ARFGAP3: variants seen among roughly 807,000 people sequenced by gnomAD.
ARFGAP3 encodes ARF GTPase activating protein 3.
A neutral mutation model predicts 75.0 loss-of-function variants in ARFGAP3; 72 were observed. That is an observed-to-expected ratio of 0.96 (90% CI 0.79 to 1.17). The LOEUF is 1.17. ARFGAP3 is among the 50% of genes most tolerant of loss of function. The pLI is 0.00. For synonymous variants in ARFGAP3, 221 were observed against 217.9 expected (o/e 1.01, Z -0.13); for missense variants, 620 against 626.6 (o/e 0.99, Z 0.11).
Position 42,847,555 on chromosome 22 carries a change from T to G in ARFGAP3, c.147A>C (p.Ser49=). ...TYGVFLCIDC[S]GSHRSLGVHL... is the part of the protein sequence containing the mutation. ...GAACACCAAGTGACCGGTGGGACCC[T>G]GAGCAATCAATGCAAAGGAACACTC... The change falls in exon 2 of 16, where the codon TCA becomes TCC. Residue 49 remains serine, a synonymous_variant. Coordinates refer to ENST00000263245, the MANE Select transcript of ARFGAP3 (RefSeq NM_014570.5). 6.2e-7 allele frequency: 1 copy of G among 1,613,796 alleles called. No individual in the cohort carries two copies. Among genetic ancestry groups the G allele is most frequent in the Non-Finnish European group, 8.5e-7 (1 of 1,179,802 alleles).
intron 5 of ARFGAP3, among the ~76,000 whole-genome samples, 176 bp downstream of exon 5, chr22:42,834,066 C>A (rs1926414142): frequency 2.0e-5 from 3 of 152,218 alleles, no homozygotes; most frequent in Admixed American, 6.5e-5. Context: ...GTCCATCAGT[C>A]AATAGCAGAT....
chr22:42,857,219 A>T lies in ARFGAP3; in HGVS notation c.-37T>A. 6.7e-7 allele frequency: 1 copy of T among 1,498,530 alleles called. No individual in the cohort carries two copies. The highest frequency in any genetic ancestry group is 1.2e-5 in the South Asian group (1 of 80,062). The allele number at this position is 1,498,530 out of a possible 1,614,324, so 92.8% of individuals were successfully genotyped here. A position where few individuals can be genotyped will look rare whatever the true frequency, so the allele number is the denominator to read the frequency against. On this transcript the variant is annotated 5_prime_UTR_variant, in exon 1 of 16. In the 5' UTR this introduces an upstream ATG that the reference lacks. Transcript: ENST00000263245. ...AGCCGCGGCGCAGCTGGCCCAGCCA[A>T]CCGGTAAGAGTCGACGAAAAGCGGC... is the stretch of plus-strand genomic sequence containing the variant.
At chr22:42,800,418 C>T (rs931811468) in intron 14 of ARFGAP3, among the ~76,000 whole-genome samples, 1 of 152,172 alleles carries the variant, frequency 6.6e-6, no homozygotes, top group East Asian at 1.9e-4. Context: ...GTAACCCTAG[C>T]TACTTGGGAG....
At chr22:42,814,473 A>G (rs879666419) in intron 11 of ARFGAP3, among the ~76,000 whole-genome samples, 1 of 152,228 alleles carries the variant, frequency 6.6e-6, no homozygotes, top group African/African-American at 2.4e-5. Context: ...GGTGTGGTCT[A>G]TATAAATATG....
rs1242115867 is a variant in ARFGAP3 at position 42,808,875 on chromosome 22, G to C, written c.1212C>G (p.Arg404=). Reference sequence around the variant, plus strand: ...TTTCAACTGGCTCATAATCTGGCTTGCGGCGAGCAGTAGGTCTGCAATTAA... The same window carrying C: ...TTTCAACTGGCTCATAATCTGGCTTCCGGCGAGCAGTAGGTCTGCAATTAA... The part of the protein sequence containing the change: ...TGYSDRPTAR[R]KPDYEPVENT... Residue 404 remains arginine, a synonymous_variant, in exon 13 of 16, where the codon CGC becomes CGG. Transcript: ENST00000263245. 1 of 1,610,676 alleles carries C rather than the reference G, an allele frequency of 6.2e-7. No individual in the cohort carries two copies. Among genetic ancestry groups the C allele is most frequent in the Middle Eastern group, 1.7e-4 (1 of 6,054 alleles).
At chr22:42,800,982 C>G (rs561225242) in intron 14 of ARFGAP3, among the ~76,000 whole-genome samples, 28 of 152,356 alleles carry the variant, frequency 1.8e-4, no homozygotes, top group African/African-American at 6.7e-4. Flanking sequence ...ACCTGCTTTT[C>G]CACAGCTCAC....
At chr22:42,805,703 G>A (rs1424261272) in intron 14 of ARFGAP3, among the ~76,000 whole-genome samples, 1 of 152,216 alleles carries the variant, frequency 6.6e-6, no homozygotes, top group African/African-American at 2.4e-5. Context: ...TGAGGCACAG[G>A]GTGTGCTCCT....
chr22:42,834,332 C>CA lies in ARFGAP3; in HGVS notation c.394-8dup, dbSNP rs752465149. The stretch of plus-strand genomic sequence containing the variant: ...CACAACTATCAAGCCACAGCTAGAA[C>CA]AAAAAAACAACACAGGGCTGAGCAT... On this transcript the variant is annotated splice_polypyrimidine_tract_variant and splice_region_variant and intron_variant, in intron 4 of 15. Coordinates refer to ENST00000263245, the MANE Select transcript of ARFGAP3 (RefSeq NM_014570.5). 5 of 1,610,854 alleles carry CA rather than the reference C, an allele frequency of 3.1e-6. No homozygotes were observed. Among genetic ancestry groups the CA allele is most frequent in the Non-Finnish European group, 4.2e-6 (5 of 1,179,086 alleles).
At chr22:42,816,087 C>T (rs5758954) in intron 11 of ARFGAP3, among the ~76,000 whole-genome samples, 26,598 of 152,114 alleles carry the variant, frequency 0.17, 3,665 homozygotes, top group East Asian at 0.56. Context: ...GTACTCCAGC[C>T]TGGGTGACAG....
intron 3 of ARFGAP3, among the ~76,000 whole-genome samples, chr22:42,839,388 C>A (rs997209234): frequency 4.6e-5 from 7 of 151,828 alleles, no homozygotes; most frequent in Non-Finnish European, 7.4e-5. Context: ...CACTTGAGGT[C>A]AGGAGTTTGA....
At chr22:42,798,671 T>C (rs1333312626) in intron 15 of ARFGAP3, among the ~76,000 whole-genome samples, 1 of 152,230 alleles carries the variant, frequency 6.6e-6, no homozygotes, top group Non-Finnish European at 1.5e-5. Flanking sequence ...AATCTACGTA[T>C]AGAAAAATAT....
rs117333048 is a variant in ARFGAP3, at chr22:42,841,671, C to A, written c.189-655G>T. 1.2e-3 allele frequency among the ~76,000 whole-genome samples: 176 copies of A among 152,160 alleles called. 3 individuals are homozygous for A. In the East Asian group the frequency reaches 0.029, roughly 25 times the overall value. ...CAATGTTAGAATCTTTATACTGAAT[C>A]CACAGAAATGAGCAAAAAGCAGAGG... On this transcript the variant is annotated intron_variant, in intron 2 of 15. Coordinates refer to ENST00000263245, the MANE Select transcript of ARFGAP3 (RefSeq NM_014570.5).
At chr22:42,841,074 G>C (rs930568161) in intron 2 of ARFGAP3, 58 bp from the exon 3 acceptor site, 2 of 1,574,660 alleles carry the variant, frequency 1.3e-6, no homozygotes, top group Non-Finnish European at 8.6e-7. Flanking sequence ...AGCAAAATCA[G>C]TGAGCTTTTG....
chr22:42,797,985 T>A (rs1443099093), intron 15 of ARFGAP3, among the ~76,000 whole-genome samples: 1 of 152,132 alleles, frequency 6.6e-6, no homozygotes, highest in Non-Finnish European at 1.5e-5. Flanking sequence ...GCCCTGAAAT[T>A]TTGGTTCAGC....
Position 42,831,576 on chromosome 22 carries a change from C to T in ARFGAP3, c.538G>A (p.Val180Met). ...TCATTATTTTCCAAAGTGGTTTCCA[C>T]AGGCCTTGATGTTAAAGAAGATGGT... ...AEPSSLTSRP[V>M]ETTLENNEGG... Residue 180 changes from valine to methionine, a missense_variant, in exon 6 of 16, where the codon GTG (valine) becomes ATG (methionine). Val to Met is a conservative substitution (Grantham distance 21). Transcript: ENST00000263245. The T allele has an allele frequency of 6.2e-7, 1 of 1,613,886 alleles. No individual in the cohort carries two copies. Among genetic ancestry groups the T allele is most frequent in the Non-Finnish European group, 8.5e-7 (1 of 1,179,916 alleles).
At chr22:42,825,810 G>A (rs1305863568) in intron 7 of ARFGAP3, among the ~76,000 whole-genome samples, 2 of 151,904 alleles carry the variant, frequency 1.3e-5, no homozygotes, top group East Asian at 1.9e-4. Flanking sequence ...TTTACTTATA[G>A]GTTATATATT....
Position 42,826,984 on chromosome 22 carries a change from C to G in ARFGAP3, c.581G>C (p.Gly194Ala), listed in dbSNP as rs779761090. Residue 194 changes from glycine to alanine, a missense_variant, in exon 7 of 16, where the codon GGA becomes GCA. By Grantham distance (60) the Gly-to-Ala change is moderately conservative. Coordinates refer to ENST00000263245, the MANE Select transcript of ARFGAP3 (RefSeq NM_014570.5). The stretch of plus-strand genomic sequence containing the variant: ...TACATTAAGACCTTCCACACTTGGT[C>G]CTTGCTCTTGTCCACCTGAAAATTC... Reference protein sequence around the residue: ...LENNEGGQEQGPSVEGLNVPT... With the variant: ...LENNEGGQEQAPSVEGLNVPT... 2 of 1,613,444 alleles carry G rather than the reference C, an allele frequency of 1.2e-6. No homozygotes were observed. The highest frequency in any genetic ancestry group is 2.2e-5 in the South Asian group (2 of 90,896).
chr22:42,823,595 C>G, intron 8 of ARFGAP3, 61 bp downstream of exon 8: 1 of 1,217,002 alleles, frequency 8.2e-7, no homozygotes, highest in South Asian at 1.5e-5. Context: ...AATGACGAAG[C>G]GGCTTTTTAG....
At chr22:42,837,688 T>TTTTTTTTTTTTTTTTTG (rs1926589734) in intron 3 of ARFGAP3, among the ~76,000 whole-genome samples, 1 of 136,482 alleles carries the variant, frequency 7.3e-6, no homozygotes. Flanking sequence ...TTTTTTTTTT[T>TTTTTTTTTTTTTTTTTG]TTTTTTTTTG....
Sources: gnomAD v4.1 joint callset for allele counts (sites outside exome capture counted in the v4.1 genomes callset) on GRCh38, gnomAD v4.1.1 for gene constraint, MANE v1.5 for transcripts, NCBI Gene and HGNC (gene_info 2026-07-23, HGNC 2026-07-21) for gene names.